Variants in CRACD observed in about 807,000 individuals in gnomAD.
The protein encoded by CRACD is capping protein inhibiting regulator of actin dynamics.
CRACD carries 56 observed loss-of-function variants against 106.8 expected under a neutral mutation model. The observed-to-expected ratio is 0.52, with a 90% CI of 0.42 to 0.66. The LOEUF is 0.66. Among genes scored for constraint, CRACD ranks in the 30% least tolerant of loss-of-function variants. CRACD has a pLI of 0.00. For synonymous variants in CRACD, 754 were observed against 670.8 expected (o/e 1.12, Z -1.92); for missense variants, 1,730 against 1,623.2 (o/e 1.07, Z -1.13).
At chr4:56,121,059 T>C (rs1454569900) in intron 1 of CRACD, among the ~76,000 whole-genome samples, 3 of 152,194 alleles carry the variant, frequency 2.0e-5, no homozygotes, top group Non-Finnish European at 4.4e-5. Context: ...ACCTAGAATA[T>C]ATAACCTGGA....
chr4:56,160,652 C>T (rs1735919647), intron 1 of CRACD, among the ~76,000 whole-genome samples: 1 of 152,222 alleles, frequency 6.6e-6, no homozygotes, highest in Admixed American at 6.5e-5. Flanking sequence ...GCTATGTTGT[C>T]TTTGGGCAAG....
chr4:56,207,743 C>CATA (rs1279210814), intron 2 of CRACD, among the ~76,000 whole-genome samples: 7 of 73,654 alleles, frequency 9.5e-5, no homozygotes, highest in African/African-American at 4.4e-4. Context: ...AACTTGTTTT[C>CATA]TCATATATAT....
chr4:56,236,415 A>T (rs1359706959), intron 2 of CRACD, among the ~76,000 whole-genome samples: 2 of 152,196 alleles, frequency 1.3e-5, no homozygotes, highest in Non-Finnish European at 2.9e-5. Flanking sequence ...ATGTTGTGGT[A>T]CTTTATTGTG....
In CRACD at chr4:56,203,161, C is replaced by A. The variant is rs185054899; in HGVS notation, c.-189+23731C>A. Among the ~76,000 whole-genome samples, 27 of 152,264 alleles carry A rather than the reference C, an allele frequency of 1.8e-4. No individual in the cohort carries two copies. In the East Asian group the frequency reaches 4.4e-3, roughly 25 times the overall value. On this transcript the variant is annotated intron_variant, in intron 2 of 10. Coordinates refer to ENST00000682029, the MANE Select transcript of CRACD (RefSeq NM_001393381.1). ...TAAAACTTCACATTATTAAAGAAGA[C>A]AGTAGACATGTCTGTAATCTAGCCA...
chr4:56,120,502 G>T (rs535283251), intron 1 of CRACD, among the ~76,000 whole-genome samples: 16 of 152,198 alleles, frequency 1.1e-4, no homozygotes, highest in African/African-American at 3.9e-4. Context: ...CTATTATGAC[G>T]CAGCCAACCA....
intron 2 of CRACD, among the ~76,000 whole-genome samples, chr4:56,250,599 T>C (rs1740995805): frequency 1.3e-5 from 2 of 152,208 alleles, no homozygotes. Flanking sequence ...GACACACTTT[T>C]GAAATGCAGC....
chr4:56,101,543 A>G (rs1733775376), intron 1 of CRACD, among the ~76,000 whole-genome samples: 1 of 152,096 alleles, frequency 6.6e-6, no homozygotes, highest in Admixed American at 6.5e-5. Context: ...CAGGTGGATC[A>G]CCTGAGGTCA....
intron 2 of CRACD, among the ~76,000 whole-genome samples, chr4:56,191,622 C>T (rs555074516): frequency 1.3e-5 from 2 of 152,316 alleles, no homozygotes; most frequent in Admixed American, 6.5e-5. Context: ...GGAAAGTGGA[C>T]GTCTTTGGAG....
intron 1 of CRACD, among the ~76,000 whole-genome samples, chr4:56,154,952 T>A (rs182243612): frequency 1.3e-5 from 2 of 152,304 alleles, no homozygotes; most frequent in Admixed American, 1.3e-4. Flanking sequence ...TGTGAAAACT[T>A]GGGATTCTTT....
chr4:56,224,151 T>C (rs186189590), intron 2 of CRACD, among the ~76,000 whole-genome samples: 2,589 of 152,248 alleles, frequency 0.017, 71 homozygotes, highest in African/African-American at 0.058. Context: ...CTTCGCTATT[T>C]TTTTTTATTG....
At chr4:56,212,398 C>G (rs1286285919) in intron 2 of CRACD, among the ~76,000 whole-genome samples, 1 of 152,156 alleles carries the variant, frequency 6.6e-6, no homozygotes, top group African/African-American at 2.4e-5. Flanking sequence ...AACCAGCAGC[C>G]CTTGGGGCTG....
intron 1 of CRACD, among the ~76,000 whole-genome samples, chr4:56,073,193 A>G (rs575792371): frequency 9.8e-5 from 15 of 152,334 alleles, no homozygotes; most frequent in Non-Finnish European, 2.9e-5. Flanking sequence ...TGTCTTCCAC[A>G]ATGATTGAAC....
At position 56,226,402 on chromosome 4, in the gene CRACD, T is replaced by G. The variant is rs532910746; in HGVS notation, c.-188-45919T>G. Among the ~76,000 whole-genome samples the G allele has an allele frequency of 2.6e-5, 4 of 152,286 alleles. No homozygotes were observed. The South Asian group carries it at 8.3e-4, about 32-fold the overall frequency. ...GAGAATGAGAGAGGAGAAACGCAGATACAAGAACTATGAAGTGAGTTTTCT... is the reference window on the plus strand; with the variant it reads ...GAGAATGAGAGAGGAGAAACGCAGAGACAAGAACTATGAAGTGAGTTTTCT... On this transcript the variant is annotated intron_variant, in intron 2 of 10. Transcript: ENST00000682029.
At chr4:56,165,348 A>G (rs1736105004) in intron 1 of CRACD, among the ~76,000 whole-genome samples, 1 of 152,214 alleles carries the variant, frequency 6.6e-6, no homozygotes, top group Non-Finnish European at 1.5e-5. Flanking sequence ...GATGGCTAAC[A>G]GCTCTCATTT....
intron 1 of CRACD, among the ~76,000 whole-genome samples, chr4:56,070,375 C>T (rs1732600843): frequency 6.6e-6 from 1 of 151,136 alleles, no homozygotes; most frequent in African/African-American, 2.4e-5. Context: ...TCTCGGCTCA[C>T]TGCAAGCTCC....
intron 1 of CRACD, among the ~76,000 whole-genome samples, chr4:56,085,966 A>G (rs1371380083): frequency 6.6e-6 from 1 of 152,072 alleles, no homozygotes; most frequent in Non-Finnish European, 1.5e-5. Context: ...ATTAGATTTC[A>G]CTATTTCCTA....
chr4:56,221,659 A>C (rs1739038521), intron 2 of CRACD, among the ~76,000 whole-genome samples: 1 of 152,092 alleles, frequency 6.6e-6, no homozygotes, highest in South Asian at 2.1e-4. Flanking sequence ...AAATCAGCAA[A>C]AAAAATTAAA....
At chr4:56,311,838 G>A (rs533251140) in intron 6 of CRACD, among the ~76,000 whole-genome samples, 1 of 152,328 alleles carries the variant, frequency 6.6e-6, no homozygotes, top group East Asian at 1.9e-4. Flanking sequence ...CACTCTAGCA[G>A]GAGCCCTTTG....
chr4:56,060,987 G>A (rs1381326261), intron 1 of CRACD, among the ~76,000 whole-genome samples: 1 of 152,142 alleles, frequency 6.6e-6, no homozygotes, highest in African/African-American at 2.4e-5. Flanking sequence ...AAGCCACCCA[G>A]TCAATGATAC....
Sources: gnomAD v4.1 joint callset for allele counts (sites outside exome capture counted in the v4.1 genomes callset) on GRCh38, gnomAD v4.1.1 for gene constraint, MANE v1.5 for transcripts, NCBI Gene and HGNC (gene_info 2026-07-23, HGNC 2026-07-21) for gene names.